The following PALM2AKAP2 variants were observed in gnomAD, a reference collection of about 807,000 sequenced individuals.
The protein encoded by PALM2AKAP2 is PALM2 and AKAP2 fusion.
Under a neutral mutation model 71.5 loss-of-function variants are expected in PALM2AKAP2, and 37 were observed. The ratio of observed to expected loss-of-function variants is 0.52; its 90% CI spans 0.40 to 0.68. The LOEUF is 0.68. Among genes scored for constraint, PALM2AKAP2 ranks in the 30% least tolerant of loss-of-function variants. The pLI is 0.00. For missense variants in PALM2AKAP2, 1,224 were observed against 1,191.8 expected (o/e 1.03, Z -0.40); for synonymous variants, 468 against 478.8 (o/e 0.98, Z 0.29).
chr9:109,762,134 C>T (rs1829064357), intron 1 of PALM2AKAP2, among the ~76,000 whole-genome samples: 1 of 151,054 alleles, frequency 6.6e-6, no homozygotes, highest in Non-Finnish European at 1.5e-5. Flanking sequence ...TGTGGCGATT[C>T]CTCAAGGATC....
At chr9:109,838,226 C>T (rs528678906) in intron 1 of PALM2AKAP2, among the ~76,000 whole-genome samples, 1 of 152,302 alleles carries the variant, frequency 6.6e-6, no homozygotes, top group African/African-American at 2.4e-5. Flanking sequence ...AAGAAACTCA[C>T]TCAAAACTGC....
chr9:110,094,750 T>G (rs1834797216), intron 1 of PALM2AKAP2, among the ~76,000 whole-genome samples: 1 of 152,166 alleles, frequency 6.6e-6, no homozygotes, highest in South Asian at 2.1e-4. Flanking sequence ...CAATTCGACA[T>G]GAGATTTGGG....
intron 1 of PALM2AKAP2, among the ~76,000 whole-genome samples, chr9:110,130,188 C>T (rs1835703222): frequency 6.6e-6 from 1 of 152,236 alleles, no homozygotes; most frequent in African/African-American, 2.4e-5. Context: ...AACCGTTTTA[C>T]AGTTTACATA....
upstream of PALM2AKAP2, among the ~76,000 whole-genome samples, chr9:109,778,721 G>C (rs1050864440): frequency 1.3e-5 from 2 of 151,766 alleles, no homozygotes; most frequent in Non-Finnish European, 2.9e-5. Flanking sequence ...TAGTTGAAAT[G>C]GAAGCATTTA....
Position 109,737,099 on chromosome 9 carries a change from G to A in PALM2AKAP2, c.6-43389G>A, listed in dbSNP as rs150401313. On this transcript the variant is annotated intron_variant, in intron 1 of 6. Transcript: ENST00000374531. The stretch of plus-strand genomic sequence containing the variant: ...CATCTAGGAAAGTCTTTGCCAGGAA[G>A]CGTTCTTTCTCATTCTAAATCCTAG... Among the ~76,000 whole-genome samples, 4 of 152,318 alleles carry A rather than the reference G, an allele frequency of 2.6e-5. No homozygotes were observed. The East Asian group carries it at 7.7e-4, about 29-fold the overall frequency.
At chr9:110,091,684 G>C (rs546277471) in intron 1 of PALM2AKAP2, among the ~76,000 whole-genome samples, 2 of 152,074 alleles carry the variant, frequency 1.3e-5, no homozygotes, top group Admixed American at 6.5e-5. Context: ...GGATGGTCTT[G>C]ATCTCCTGAC....
At chr9:109,647,957 G>C (rs1827176369) in intron 1 of PALM2AKAP2, among the ~76,000 whole-genome samples, 1 of 152,202 alleles carries the variant, frequency 6.6e-6, no homozygotes, top group Non-Finnish European at 1.5e-5. Flanking sequence ...GTTTGGCTCT[G>C]TGTCCCCACC....
intron 1 of PALM2AKAP2, among the ~76,000 whole-genome samples, chr9:110,089,203 T>G (rs1204262014): frequency 6.6e-6 from 1 of 152,116 alleles, no homozygotes; most frequent in African/African-American, 2.4e-5. Flanking sequence ...GGAAACTAGA[T>G]CACTTGTTGG....
intron 1 of PALM2AKAP2, among the ~76,000 whole-genome samples, chr9:110,103,151 T>C (rs1308556468): frequency 6.6e-6 from 1 of 152,194 alleles, no homozygotes; most frequent in East Asian, 1.9e-4. Context: ...TTGTAGGCAC[T>C]CTCAGAGCGC....
chr9:109,835,639 TCTGTGA>T (rs926758529), intron 1 of PALM2AKAP2, among the ~76,000 whole-genome samples: 3 of 152,044 alleles, frequency 2.0e-5, no homozygotes, highest in Non-Finnish European at 2.9e-5. Context: ...GCCAAGGGAA[TCTGTGA>T]CAGACAGCAC....
intron 1 of PALM2AKAP2, among the ~76,000 whole-genome samples, chr9:109,827,679 A>G (rs1419554755): frequency 6.6e-6 from 1 of 152,180 alleles, no homozygotes. Context: ...TTCTCCCCCC[A>G]GTAAACTTTT....
At chr9:109,768,121 G>A (rs760349686) in intron 1 of PALM2AKAP2, among the ~76,000 whole-genome samples, 1 of 151,182 alleles carries the variant, frequency 6.6e-6, no homozygotes, top group Non-Finnish European at 1.5e-5. Context: ...AGAAAGGAAG[G>A]AAAGAAAGAA....
chr9:109,737,525 G>A (rs1294523463), intron 1 of PALM2AKAP2, among the ~76,000 whole-genome samples: 3 of 152,330 alleles, frequency 2.0e-5, no homozygotes, highest in Non-Finnish European at 4.4e-5. Flanking sequence ...TGGAAATGAA[G>A]CATGCCAGGA....
chr9:110,024,370 A>G (rs1006622004), intron 7 of PALM2AKAP2, among the ~76,000 whole-genome samples: 1 of 151,678 alleles, frequency 6.6e-6, no homozygotes, highest in Non-Finnish European at 1.5e-5. Flanking sequence ...GTCATACAAC[A>G]TGCAGTGTTT....
intron 1 of PALM2AKAP2, among the ~76,000 whole-genome samples, chr9:110,068,589 G>T (rs1386966661): frequency 7.1e-6 from 1 of 141,668 alleles, no homozygotes; most frequent in African/African-American, 3.1e-5. Context: ...GAGTGTAGTG[G>T]TGCCATCACA....
intron 5 of PALM2AKAP2, among the ~76,000 whole-genome samples, chr9:109,929,985 C>T (rs1159615028): frequency 6.6e-6 from 1 of 151,850 alleles, no homozygotes; most frequent in African/African-American, 2.4e-5. Flanking sequence ...CCAAAACCAT[C>T]TTCAGGGGGT....
intron 1 of PALM2AKAP2, among the ~76,000 whole-genome samples, chr9:109,648,475 G>A (rs890906465): frequency 1.3e-5 from 2 of 152,186 alleles, no homozygotes; most frequent in Middle Eastern, 3.2e-3. Flanking sequence ...TGTGTTAGAG[G>A]AGACAGACAA....
intron 1 of PALM2AKAP2, among the ~76,000 whole-genome samples, chr9:109,755,411 G>A (rs1475372006): frequency 6.6e-6 from 1 of 151,994 alleles, no homozygotes; most frequent in Non-Finnish European, 1.5e-5. Context: ...CTAGACTATT[G>A]GTCTCATTGT....
chr9:110,050,066 A>C (rs1250648439), intron 1 of PALM2AKAP2, among the ~76,000 whole-genome samples: 1 of 152,230 alleles, frequency 6.6e-6, no homozygotes, highest in East Asian at 1.9e-4. Flanking sequence ...AGACTTTGAC[A>C]TATCACTACC....
Sources: gnomAD v4.1 joint callset for allele counts (sites outside exome capture counted in the v4.1 genomes callset) on GRCh38, gnomAD v4.1.1 for gene constraint, MANE v1.5 for transcripts, NCBI Gene and HGNC (gene_info 2026-07-23, HGNC 2026-07-21) for gene names.